Variants in RCAN2 observed in about 807,000 individuals in gnomAD.
RCAN2 encodes regulator of calcineurin 2, also known as calcipressin-2.
Under a neutral mutation model 23.6 loss-of-function variants are expected in RCAN2, and 9 were observed. The observed-to-expected ratio is 0.38, with a 90% confidence interval of 0.23 to 0.67. The LOEUF (loss-of-function observed/expected upper bound fraction) is 0.67, where lower values mean the gene tolerates loss of function less well. RCAN2 is among the 30% of genes least tolerant of loss of function. RCAN2 has a pLI of 0.51. For missense variants in RCAN2, 273 were observed against 302.3 expected, an observed-to-expected ratio of 0.90 and a Z score of 0.72; for synonymous variants, 109 against 115.7, an observed-to-expected ratio of 0.94 and a Z score of 0.37.
At chr6:46,324,523 A>G (rs1264540430) in intron 2 of RCAN2, among the ~76,000 whole-genome samples, 1 of 152,234 alleles carries the variant, frequency 6.6e-6, no homozygotes, top group East Asian at 1.9e-4. Context: ...CCCACCACAC[A>G]ATGAACAACT....
chr6:46,278,853 T>A (rs1767804827), intron 2 of RCAN2, among the ~76,000 whole-genome samples: 1 of 152,170 alleles, frequency 6.6e-6, no homozygotes, highest in African/African-American at 2.4e-5. Flanking sequence ...GGATGCTCAT[T>A]TTCTTATCAA....
At chr6:46,383,785 A>C (rs1765671587) in intron 2 of RCAN2, among the ~76,000 whole-genome samples, 1 of 152,208 alleles carries the variant, frequency 6.6e-6, no homozygotes, top group African/African-American at 2.4e-5. Context: ...GAAAGTTCTG[A>C]TGGGCAGTAC....
At chr6:46,243,059 G>A (rs1766360859) in intron 4 of RCAN2, among the ~76,000 whole-genome samples, 2 of 152,180 alleles carry the variant, frequency 1.3e-5, no homozygotes, top group Non-Finnish European at 2.9e-5. Context: ...AGTGACAGGA[G>A]GAGACTGAAG....
chr6:46,268,215 AT>A (rs1283173784), intron 2 of RCAN2, among the ~76,000 whole-genome samples: 1 of 152,088 alleles, frequency 6.6e-6, no homozygotes, highest in African/African-American at 2.4e-5. Flanking sequence ...TGTCTGTCTC[AT>A]TTTTTTCCTC....
intron 1 of RCAN2, among the ~76,000 whole-genome samples, chr6:46,490,871 G>A (rs1046998979): frequency 6.6e-6 from 1 of 152,026 alleles, no homozygotes; most frequent in Non-Finnish European, 1.5e-5. Flanking sequence ...CAAACCCCCG[G>A]GCCACGGGCA....
At chr6:46,352,018 G>A (rs1423199096) in intron 2 of RCAN2, among the ~76,000 whole-genome samples, 1 of 152,150 alleles carries the variant, frequency 6.6e-6, no homozygotes, top group African/African-American at 2.4e-5. Context: ...AATGTAACCT[G>A]TCTAAGAATA....
At chr6:46,373,605 T>C (rs937640540) in intron 2 of RCAN2, among the ~76,000 whole-genome samples, 3 of 152,228 alleles carry the variant, frequency 2.0e-5, no homozygotes, top group African/African-American at 7.2e-5. Flanking sequence ...GGGGAAAATG[T>C]ATCACTACTT....
intron 2 of RCAN2, among the ~76,000 whole-genome samples, chr6:46,268,242 GC>G (rs1471676206): frequency 6.6e-6 from 1 of 152,090 alleles, no homozygotes. Flanking sequence ...ATTCCTAAAT[GC>G]ATTTCTACTG....
chr6:46,334,645 C>G (rs886190657), intron 2 of RCAN2, among the ~76,000 whole-genome samples: 2 of 152,136 alleles, frequency 1.3e-5, no homozygotes, highest in Admixed American at 6.5e-5. Context: ...CCACATTCTC[C>G]GCATTGTGTA....
intron 2 of RCAN2, among the ~76,000 whole-genome samples, chr6:46,426,584 A>T (rs910579856): frequency 2.6e-5 from 4 of 152,218 alleles, no homozygotes; most frequent in African/African-American, 4.8e-5. Context: ...ATGCAAATAC[A>T]TACAGGTAAA....
At chr6:46,446,174 A>C (rs1322072756) in intron 2 of RCAN2, among the ~76,000 whole-genome samples, 1 of 151,972 alleles carries the variant, frequency 6.6e-6, no homozygotes, top group Non-Finnish European at 1.5e-5. Context: ...GAAAAAAAAA[A>C]AAAGAAACAT....
intron 1 of RCAN2, among the ~76,000 whole-genome samples, chr6:46,478,524 T>C (rs2150445642): frequency 6.6e-6 from 1 of 152,310 alleles, no homozygotes; most frequent in South Asian, 2.1e-4. Flanking sequence ...TCCTTCCTGG[T>C]TTCCTCCTTC....
chr6:46,372,152 T>C (rs1030716615), intron 2 of RCAN2, among the ~76,000 whole-genome samples: 4 of 152,174 alleles, frequency 2.6e-5, no homozygotes, highest in African/African-American at 9.7e-5. Context: ...ATGCTCATGG[T>C]GTTTCTTATT....
At chr6:46,350,757 G>C (rs1764624033) in intron 2 of RCAN2, among the ~76,000 whole-genome samples, 1 of 152,202 alleles carries the variant, frequency 6.6e-6, no homozygotes, top group Admixed American at 6.5e-5. Flanking sequence ...TTAATAGCTT[G>C]AGGAAGGATC....
chr6:46,363,209 GAACA>G (rs1214229183), intron 2 of RCAN2, among the ~76,000 whole-genome samples: 4 of 152,116 alleles, frequency 2.6e-5, no homozygotes, highest in African/African-American at 9.7e-5. Flanking sequence ...GAGTATTGAA[GAACA>G]CTACATGTCT....
rs115851843 is a variant in RCAN2, at chr6:46,222,030, C to T, written c.*1111G>A. The stretch of plus-strand genomic sequence containing the variant: ...CTGCATTCTGGGGATTTAGCTTCAT[C>T]CCAATAATCTACAACTGACACTTGC... On this transcript the variant is annotated 3_prime_UTR_variant, in exon 5 of 5. Transcript: ENST00000371374. 4,197 of 398,492 alleles carry T rather than the reference C, an allele frequency of 0.011. 62 individuals are homozygous for T. The highest frequency in any genetic ancestry group is 0.011 in the Non-Finnish European group (2,541 of 225,976). The allele number at this position is 398,492 out of a possible 1,614,324, so 24.7% of individuals were successfully genotyped here.
intron 1 of RCAN2, among the ~76,000 whole-genome samples, chr6:46,482,672 G>A (rs2153617): frequency 0.69 from 104,425 of 152,028 alleles, 35,852 homozygotes; most frequent in South Asian, 0.78. Flanking sequence ...GATATTTCTA[G>A]TTTTACTCAG....
chr6:46,268,052 AC>A (rs1168426852), intron 2 of RCAN2, among the ~76,000 whole-genome samples: 1 of 152,220 alleles, frequency 6.6e-6, no homozygotes, highest in Non-Finnish European at 1.5e-5. Context: ...TATGCAATAA[AC>A]AAAAAATAAA....
At chr6:46,250,766 AAG>A (rs1766684173) in intron 2 of RCAN2, among the ~76,000 whole-genome samples, 1 of 152,218 alleles carries the variant, frequency 6.6e-6, no homozygotes, top group Admixed American at 6.5e-5. Context: ...GATCACATCT[AAG>A]AGAATCAACA....
Sources: gnomAD v4.1 joint callset for allele counts (sites outside exome capture counted in the v4.1 genomes callset) on GRCh38, gnomAD v4.1.1 for gene constraint, MANE v1.5 for transcripts, NCBI Gene and HGNC (gene_info 2026-07-23, HGNC 2026-07-21) for gene names.